Variants in GRID2 observed in about 807,000 individuals in gnomAD.
GRID2 encodes the protein glutamate ionotropic receptor delta type subunit 2, also known as glutamate receptor ionotropic, delta-2.
GRID2 carries 33 observed loss-of-function variants against 114.8 expected under a neutral mutation model. That is an observed-to-expected ratio of 0.29 (90% CI 0.22 to 0.38). The LOEUF is 0.38. Ranked by LOEUF, GRID2 falls within the 10% of genes least tolerant of loss-of-function variation. The pLI is 1.00. For missense variants in GRID2, 1,184 were observed against 1,257.7 expected, an observed-to-expected ratio of 0.94 and a Z score of 0.89; for synonymous variants, 505 against 449.9, an observed-to-expected ratio of 1.12 and a Z score of -1.55.
At chr4:92,387,284 TA>T (rs1272510622) in intron 1 of GRID2, among the ~76,000 whole-genome samples, 1 of 151,988 alleles carries the variant, frequency 6.6e-6, no homozygotes, top group East Asian at 1.9e-4. Flanking sequence ...TAAATTCTGA[TA>T]TTTTTCTTCT....
intron 1 of GRID2, among the ~76,000 whole-genome samples, chr4:92,458,732 C>T (rs1182649791): frequency 6.6e-6 from 1 of 152,090 alleles, no homozygotes; most frequent in Non-Finnish European, 1.5e-5. Flanking sequence ...TATTCACTCA[C>T]CCAACATTTA....
intron 2 of GRID2, among the ~76,000 whole-genome samples, chr4:92,873,837 C>T (rs889558349): frequency 3.3e-5 from 5 of 152,098 alleles, no homozygotes; most frequent in African/African-American, 1.2e-4. Flanking sequence ...GCCTCAGCTA[C>T]CCGAGTAGCT....
At chr4:93,623,851 GTTTTCTCC>G (rs1742438291) in intron 13 of GRID2, among the ~76,000 whole-genome samples, 3 of 151,850 alleles carry the variant, frequency 2.0e-5, no homozygotes. Context: ...ATTCTTGTCT[GTTTTCTCC>G]TAATTAAATT....
At chr4:93,416,742 AT>A (rs539868421) in intron 9 of GRID2, among the ~76,000 whole-genome samples, 2 of 152,184 alleles carry the variant, frequency 1.3e-5, no homozygotes, top group Admixed American at 6.5e-5. Flanking sequence ...TTATCATGAG[AT>A]TTTTTAAGTG....
intron 13 of GRID2, among the ~76,000 whole-genome samples, chr4:93,569,748 A>G (rs1334120634): frequency 1.3e-5 from 2 of 151,810 alleles, no homozygotes; most frequent in African/African-American, 2.4e-5. Context: ...TTTTTCTTCC[A>G]TGTGTATTTC....
intron 1 of GRID2, among the ~76,000 whole-genome samples, chr4:92,543,012 T>C (rs1400246093): frequency 6.6e-6 from 1 of 152,116 alleles, no homozygotes; most frequent in Non-Finnish European, 1.5e-5. Context: ...AGTACCATGA[T>C]AGGCTCATCT....
At chr4:93,802,429 A>C (rs1301934716) in intron 1 of GRID2, among the ~76,000 whole-genome samples, 1 of 152,098 alleles carries the variant, frequency 6.6e-6, no homozygotes, top group African/African-American at 2.4e-5. Context: ...AGAAAGAGAG[A>C]GAGAGATGTA....
intron 14 of GRID2, among the ~76,000 whole-genome samples, chr4:93,697,737 C>T (rs1045160689): frequency 7.3e-6 from 1 of 136,296 alleles, no homozygotes; most frequent in African/African-American, 2.8e-5. Context: ...AACAAGGTGA[C>T]TATAGTTAAT....
intron 2 of GRID2, among the ~76,000 whole-genome samples, chr4:92,760,345 C>G (rs973447727): frequency 6.6e-6 from 1 of 151,766 alleles, no homozygotes. Flanking sequence ...TAAAGGATTC[C>G]TTCCTCTGGC....
intron 2 of GRID2, among the ~76,000 whole-genome samples, chr4:92,735,880 CAG>C (rs1278962375): frequency 6.6e-6 from 1 of 151,906 alleles, no homozygotes; most frequent in Non-Finnish European, 1.5e-5. Flanking sequence ...GAAAACATAA[CAG>C]TATTTATAAA....
At chr4:92,517,476 A>T (rs549312822) in intron 1 of GRID2, among the ~76,000 whole-genome samples, 15 of 152,038 alleles carry the variant, frequency 9.9e-5, no homozygotes, top group African/African-American at 3.1e-4. Context: ...TATTTTAGAT[A>T]TTATTCTGTT....
At chr4:92,890,559 T>C (rs1419316059) in intron 2 of GRID2, among the ~76,000 whole-genome samples, 1 of 152,004 alleles carries the variant, frequency 6.6e-6, no homozygotes, top group Non-Finnish European at 1.5e-5. Context: ...CAAACCACAA[T>C]GAGATGCCAT....
chr4:93,623,683 A>G (rs1459430114), intron 13 of GRID2, among the ~76,000 whole-genome samples: 1 of 152,212 alleles, frequency 6.6e-6, no homozygotes, highest in South Asian at 2.1e-4. Flanking sequence ...ACATTTATAT[A>G]CTTTTAAAAA....
chr4:92,403,952 G>A lies in GRID2; in HGVS notation c.88+99208G>A, dbSNP rs143070252. 1.1e-4 allele frequency among the ~76,000 whole-genome samples: 16 copies of A among 152,104 alleles called. No individual in the cohort carries two copies. The East Asian group carries it at 1.5e-3, about 15-fold the overall frequency. Reference sequence around the variant, plus strand: ...TCTTATGTGGGCATAGTTCATGGCTGACCAAAGCAATGATAATAAACATCA... The same window carrying A: ...TCTTATGTGGGCATAGTTCATGGCTAACCAAAGCAATGATAATAAACATCA... On this transcript the variant is annotated intron_variant, in intron 1 of 15. Coordinates refer to ENST00000282020, the MANE Select transcript of GRID2 (RefSeq NM_001510.4).
chr4:92,887,997 A>G (rs1260107987), intron 2 of GRID2, among the ~76,000 whole-genome samples: 3 of 152,202 alleles, frequency 2.0e-5, no homozygotes, highest in Non-Finnish European at 1.5e-5. Flanking sequence ...AGAGTAAACC[A>G]TTTATATATG....
chr4:93,423,025 A>G, intron 10 of GRID2, 57 bp downstream of exon 10: 1 of 1,194,088 alleles, frequency 8.4e-7, no homozygotes, highest in East Asian at 2.4e-5. Flanking sequence ...TTTGTCTCAT[A>G]CCTAAAGGTT....
At chr4:92,486,824 A>G (rs1722920225) in intron 1 of GRID2, among the ~76,000 whole-genome samples, 1 of 152,062 alleles carries the variant, frequency 6.6e-6, no homozygotes, top group East Asian at 1.9e-4. Flanking sequence ...GTATATGAAC[A>G]GATGCTTAAC....
chr4:92,996,812 G>A (rs1476207057), intron 2 of GRID2, among the ~76,000 whole-genome samples: 1 of 152,142 alleles, frequency 6.6e-6, no homozygotes, highest in Non-Finnish European at 1.5e-5. Flanking sequence ...TAAATGCATT[G>A]CTATAAGTGT....
At chr4:92,494,055 T>G (rs1169028242) in intron 1 of GRID2, among the ~76,000 whole-genome samples, 1 of 152,154 alleles carries the variant, frequency 6.6e-6, no homozygotes, top group Non-Finnish European at 1.5e-5. Context: ...GCCAAAAAGT[T>G]ACTGTGCTAT....
Sources: allele counts gnomAD v4.1 joint callset (sites outside exome capture counted in the v4.1 genomes callset), GRCh38; gene constraint gnomAD v4.1.1; transcripts MANE v1.5; gene names NCBI Gene and HGNC (gene_info 2026-07-23, HGNC 2026-07-21).